NPVF: variants seen among roughly 807,000 people sequenced by gnomAD.
NPVF encodes the protein pro-FMRFamide-related neuropeptide VF.
In NPVF, 17 loss-of-function variants were observed where a neutral mutation model predicts 15.7. The observed-to-expected ratio is 1.08, with a 90% confidence interval of 0.74 to 1.62. The LOEUF is 1.62. NPVF is among the 40% of genes most tolerant of loss of function. The probability of loss-of-function intolerance (pLI) is 0.00; values close to 1 mark genes in which losing one functional copy is unlikely to be tolerated. For synonymous variants in NPVF, 70 were observed against 80.1 expected (o/e 0.87, Z 0.67); for missense variants, 270 against 225.2 (o/e 1.20, Z -1.27).
In NPVF at chr7:25,225,028, G is replaced by T; in HGVS notation, c.*94C>A. ...AAATTGCCGTTGATGATCCATAGCT[G>T]ATGAAGTGTATGTAGCTACTCTTCC... is the stretch of plus-strand genomic sequence containing the variant. On this transcript the variant is annotated 3_prime_UTR_variant, in exon 3 of 3. Transcript: ENST00000222674. The T allele has an allele frequency of 3.0e-6, 3 of 1,004,032 alleles. No individual in the cohort carries two copies. The highest frequency in any genetic ancestry group is 4.6e-6 in the Non-Finnish European group (3 of 652,864). 62.2% of individuals were successfully genotyped at this position (1,004,032 alleles called of 1,614,324 possible).
In NPVF at chr7:25,226,952, AAT is replaced by A. The variant is rs1783138448; in HGVS notation, c.211_212del (p.Ile71Ter). On this transcript the variant is annotated frameshift_variant, in exon 2 of 3. Transcript: ENST00000222674. LOFTEE classifies it high-confidence loss of function. ...TATTGACTGCAGGTGTACTCATCTT[AAT>A]AACATTTTTTGGTCCCCAATCTTTT... ...ELKDWGPKNV[I>X]KMSTPAVNKM... 1 of 1,281,668 alleles carries A rather than the reference AAT, an allele frequency of 7.8e-7. No homozygotes were observed. The highest frequency in any genetic ancestry group is 1.9e-5 in the African/African-American group (1 of 53,820). The allele number at this position is 1,281,668 out of a possible 1,614,324, so 79.4% of individuals were successfully genotyped here.
chr7:25,228,317 A>G lies in NPVF; in HGVS notation c.123T>C (p.Tyr41=), dbSNP rs772763462. 41 of 1,497,708 alleles carry G rather than the reference A, an allele frequency of 2.7e-5. No individual in the cohort carries two copies. The South Asian group carries it at 4.6e-4, about 17-fold the overall frequency. 92.8% of individuals were successfully genotyped at this position (1,497,708 alleles called of 1,614,324 possible). ...AAAAACTTACCTCAGAATATTTGTC[A>G]TAATTTTCTTTGCTGTGAAGATTGG... ...VMSNLHSKEN[Y]DKYSEPRGYP... The change falls in exon 1 of 3, where the codon TAT becomes TAC. Residue 41 remains tyrosine (Y), a synonymous_variant. Coordinates refer to ENST00000222674, the MANE Select transcript of NPVF (RefSeq NM_022150.3).
intron 2 of NPVF, 136 bp downstream of exon 2, chr7:25,226,490 G>C (rs1783130218): frequency 9.9e-7 from 1 of 1,005,956 alleles, no homozygotes. Context: ...TTAGTTCCTT[G>C]TGTCTTTGCC....
intron 1 of NPVF, 78 bp downstream of exon 1, chr7:25,228,224 T>G: frequency 9.7e-7 from 1 of 1,027,550 alleles, no homozygotes; most frequent in Non-Finnish European, 1.5e-6. Flanking sequence ...TACTTCTTAG[T>G]CTTTACAAAA....
intron 1 of NPVF, among the ~76,000 whole-genome samples, chr7:25,227,431 C>T (rs1263153713): frequency 6.6e-6 from 1 of 152,022 alleles, no homozygotes; most frequent in Non-Finnish European, 1.5e-5. Flanking sequence ...ACTCATTTTT[C>T]ATGTTTCTCT....
intron 1 of NPVF, among the ~76,000 whole-genome samples, chr7:25,227,614 T>C (rs1344866383): frequency 6.6e-6 from 1 of 152,222 alleles, no homozygotes; most frequent in African/African-American, 2.4e-5. Context: ...GAATATAAAA[T>C]ACATTTTTAG....
Position 25,228,284 on chromosome 7 carries a change from G to A in NPVF, c.138+18C>T. The A allele has an allele frequency of 1.4e-6, 2 of 1,400,212 alleles. No homozygotes were observed. The highest frequency in any genetic ancestry group is 2.0e-6 in the Non-Finnish European group (2 of 991,838). 86.7% of individuals were successfully genotyped at this position (1,400,212 alleles called of 1,614,324 possible). On this transcript the variant is annotated intron_variant, in intron 1 of 2. Transcript: ENST00000222674. The stretch of plus-strand genomic sequence containing the variant: ...TGTAATTAATGCTACTCACATTAGA[G>A]AGATTTAAAAAACTTACCTCAGAAT...
Position 25,228,477 on chromosome 7 carries a change from C to A in NPVF, c.-38G>T. ...TAAAATTAAGTCTCTATGTGCAGCCCAATGTTTATGAGAGGAGAAAAAAAT... is the reference window on the plus strand; with the variant it reads ...TAAAATTAAGTCTCTATGTGCAGCCAAATGTTTATGAGAGGAGAAAAAAAT... On this transcript the variant is annotated 5_prime_UTR_variant, in exon 1 of 3. Transcript: ENST00000222674. 6.7e-7 allele frequency: 1 copy of A among 1,489,232 alleles called. No homozygotes were observed. The highest frequency in any genetic ancestry group is 9.1e-7 in the Non-Finnish European group (1 of 1,094,424). 92.3% of individuals were successfully genotyped at this position (1,489,232 alleles called of 1,614,324 possible). A position where few individuals can be genotyped will look rare whatever the true frequency, so the allele number is the denominator to read the frequency against.
chr7:25,227,499 G>T (rs1248266820), intron 1 of NPVF, among the ~76,000 whole-genome samples: 1 of 152,172 alleles, frequency 6.6e-6, no homozygotes, highest in Non-Finnish European at 1.5e-5. Flanking sequence ...TGCTGGCCAG[G>T]TTTTGGGGTA....
Position 25,224,870 on chromosome 7 carries a change from T to C in NPVF, c.*252A>G, listed in dbSNP as rs987385038. On this transcript the variant is annotated 3_prime_UTR_variant, in exon 3 of 3. Coordinates refer to ENST00000222674, the MANE Select transcript of NPVF (RefSeq NM_022150.3). ...GGAGGGTCCTCTGTCTCTCTCTCCATTATCAGAGATTTCTAAAGCATTTGC... is the reference window on the plus strand; with the variant it reads ...GGAGGGTCCTCTGTCTCTCTCTCCACTATCAGAGATTTCTAAAGCATTTGC... The C allele has an allele frequency of 4.4e-6, 2 of 457,856 alleles. No individual in the cohort carries two copies. Among genetic ancestry groups the C allele is most frequent in the African/African-American group, 4.1e-5 (2 of 49,002 alleles). The allele number at this position is 457,856 out of a possible 1,614,324, so 28.4% of individuals were successfully genotyped here. A position where few individuals can be genotyped will look rare whatever the true frequency, so the allele number is the denominator to read the frequency against.
intron 1 of NPVF, among the ~76,000 whole-genome samples, chr7:25,227,483 C>T (rs1428333555): frequency 3.9e-5 from 6 of 152,192 alleles, no homozygotes; most frequent in African/African-American, 1.4e-4. Context: ...TACATCAAAA[C>T]AGAGATGCTG....
In NPVF at chr7:25,225,066, C is replaced by A. The variant is rs1229702941; in HGVS notation, c.*56G>T. 11 of 1,490,168 alleles carry A rather than the reference C, an allele frequency of 7.4e-6. No homozygotes were observed. Among genetic ancestry groups the A allele is most frequent in the Non-Finnish European group, 1.0e-5 (11 of 1,073,980 alleles). The allele number at this position is 1,490,168 out of a possible 1,614,324, so 92.3% of individuals were successfully genotyped here. A position where few individuals can be genotyped will look rare whatever the true frequency, so the allele number is the denominator to read the frequency against. ...TAGCTACTCTTCCGTGTGGTCTTCG[C>A]TATAGAGCCATTTGTAGATTACAGG... On this transcript the variant is annotated 3_prime_UTR_variant, in exon 3 of 3. Transcript: ENST00000222674.
At position 25,226,282 on chromosome 7, in the gene NPVF, A is replaced by G. The variant is rs955715984; in HGVS notation, c.539+344T>C. 3.3e-5 allele frequency among the ~76,000 whole-genome samples: 5 copies of G among 152,322 alleles called. No homozygotes were observed. The East Asian group carries it at 9.6e-4, about 29-fold the overall frequency. ...GAGATGGGGTCCTTTGCACCTGAAC[A>G]ACTCTCTCCCATGAGACTTTTTATG... On this transcript the variant is annotated intron_variant, in intron 2 of 2. Transcript: ENST00000222674.
In NPVF at chr7:25,226,932, A is replaced by G. The variant is rs1215418513; in HGVS notation, c.233T>C (p.Val78Ala). The change falls in exon 2 of 3, where the codon GTC becomes GCC. Residue 78 changes from valine to alanine, a missense_variant. Transcript: ENST00000222674. The stretch of plus-strand genomic sequence containing the variant: ...GGCGAAGGAGTGTGGCATTTTATTG[A>G]CTGCAGGTGTACTCATCTTAATAAC... Reference protein sequence around the residue: ...KNVIKMSTPAVNKMPHSFANL... With the variant: ...KNVIKMSTPAANKMPHSFANL... 1.2e-6 allele frequency: 2 copies of G among 1,612,512 alleles called. No individual in the cohort carries two copies. The highest frequency in any genetic ancestry group is 1.3e-5 in the African/African-American group (1 of 74,308).
Position 25,224,825 on chromosome 7 carries a change from A to G in NPVF, c.*297T>C, listed in dbSNP as rs985744076. On this transcript the variant is annotated 3_prime_UTR_variant, in exon 3 of 3. Transcript: ENST00000222674. Reference sequence around the variant, plus strand: ...TTTATTAAGTGTAACTGTGCCAATGATTTTTATATAGGGTAGTGAGGAGGG... The same window carrying G: ...TTTATTAAGTGTAACTGTGCCAATGGTTTTTATATAGGGTAGTGAGGAGGG... The G allele has an allele frequency of 3.3e-5, 10 of 306,020 alleles. No homozygotes were observed. The highest frequency in any genetic ancestry group is 8.8e-4 in the Middle Eastern group (1 of 1,140). The allele number at this position is 306,020 out of a possible 1,614,324, so 19.0% of individuals were successfully genotyped here.
chr7:25,225,077 T>C lies in NPVF; in HGVS notation c.*45A>G. The C allele has an allele frequency of 1.3e-6, 2 of 1,556,964 alleles. No individual in the cohort carries two copies. Among genetic ancestry groups the C allele is most frequent in the Non-Finnish European group, 1.8e-6 (2 of 1,132,408 alleles). On this transcript the variant is annotated 3_prime_UTR_variant, in exon 3 of 3. Coordinates refer to ENST00000222674, the MANE Select transcript of NPVF (RefSeq NM_022150.3). ...CCGTGTGGTCTTCGCTATAGAGCCATTTGTAGATTACAGGCCACAGCTTTA... is the reference window on the plus strand; with the variant it reads ...CCGTGTGGTCTTCGCTATAGAGCCACTTGTAGATTACAGGCCACAGCTTTA...
Position 25,225,026 on chromosome 7 carries a change from C to A in NPVF, c.*96G>T. 1.0e-6 allele frequency: 1 copy of A among 982,030 alleles called. No individual in the cohort carries two copies. Among genetic ancestry groups the A allele is most frequent in the Non-Finnish European group, 1.6e-6 (1 of 634,570 alleles). 60.8% of individuals were successfully genotyped at this position (982,030 alleles called of 1,614,324 possible). A position where few individuals can be genotyped will look rare whatever the true frequency, so the allele number is the denominator to read the frequency against. Reference sequence around the variant, plus strand: ...AAAAATTGCCGTTGATGATCCATAGCTGATGAAGTGTATGTAGCTACTCTT... The same window carrying A: ...AAAAATTGCCGTTGATGATCCATAGATGATGAAGTGTATGTAGCTACTCTT... On this transcript the variant is annotated 3_prime_UTR_variant, in exon 3 of 3. Transcript: ENST00000222674.
chr7:25,225,191 T>C lies in NPVF; in HGVS notation c.540-18A>G. 1 of 1,604,662 alleles carries C rather than the reference T, an allele frequency of 6.2e-7. No homozygotes were observed. Among genetic ancestry groups the C allele is most frequent in the Non-Finnish European group, 8.5e-7 (1 of 1,172,714 alleles). ...GCAGTCTCCTAAAATGTAAGCAGTA[T>C]AAAATGTTGTCACCCATCAGAACAA... is the stretch of plus-strand genomic sequence containing the variant. On this transcript the variant is annotated intron_variant, in intron 2 of 2. Transcript: ENST00000222674.
At chr7:25,225,827 G>A (rs1783118569) in intron 2 of NPVF, among the ~76,000 whole-genome samples, 1 of 152,118 alleles carries the variant, frequency 6.6e-6, no homozygotes, top group South Asian at 2.1e-4. Context: ...TTAGGCTCTG[G>A]GCATATGGCA....
Sources: allele counts gnomAD v4.1 joint callset (sites outside exome capture counted in the v4.1 genomes callset), GRCh38; gene constraint gnomAD v4.1.1; transcripts MANE v1.5; gene names NCBI Gene and HGNC (gene_info 2026-07-23, HGNC 2026-07-21).